The following OCRL variants were observed in gnomAD, a reference collection of about 807,000 sequenced individuals.
OCRL encodes the protein OCRL inositol polyphosphate-5-phosphatase.
OCRL carries 8 observed loss-of-function variants against 78.9 expected under a neutral mutation model. The observed-to-expected ratio is 0.10, with a 90% confidence interval of 0.06 to 0.18. The LOEUF (loss-of-function observed/expected upper bound fraction) is 0.18, where lower values mean the gene tolerates loss of function less well. OCRL is among the 10% of genes least tolerant of loss of function. OCRL has a pLI of 1.00. For synonymous variants in OCRL, 240 were observed against 235.4 expected (o/e 1.02, Z -0.18); for missense variants, 454 against 696.7 (o/e 0.65, Z 3.92).
At chrX:129,557,578 C>T in intron 5 of OCRL, 143 bp downstream of exon 5, 1 of 580,637 alleles carries the variant, frequency 1.7e-6, no homozygotes, top group Admixed American at 2.7e-5. Context: ...CAGGAGTGAA[C>T]ACAGGGATAG....
intron 5 of OCRL, 137 bp from the exon 6 acceptor site, chrX:129,557,724 C>T: frequency 1.7e-6 from 1 of 574,992 alleles, no homozygotes; most frequent in Non-Finnish European, 3.2e-6. Flanking sequence ...CCCTCATTTC[C>T]TTAGTTTCTT....
At chrX:129,557,096 G>A (rs1936064150) in intron 4 of OCRL, among the ~76,000 whole-genome samples, 1 of 110,937 alleles carries the variant, frequency 9.0e-6, no homozygotes, top group Non-Finnish European at 1.9e-5. Flanking sequence ...TCATGGACAC[G>A]GTTCATCAGC....
At position 129,558,684 on chromosome X, in the gene OCRL, T is replaced by C. The variant is rs1339407056; in HGVS notation, c.491T>C (p.Ile164Thr). The change falls in exon 7 of 24, where the codon ATA becomes ACA. Residue 164 changes from isoleucine to threonine, a missense_variant. By Grantham distance (89) the Ile-to-Thr change is moderately conservative (BLOSUM62 -1). Coordinates refer to ENST00000371113, the MANE Select transcript of OCRL (RefSeq NM_000276.4). ...TCTTCTATGAATTTGGACAAGAAAA[T>C]AAATTCACAAAATCAGCCTACTGGG... ...NFSSMNLDKK[I>T]NSQNQPTGIH... 7.4e-6 allele frequency: 9 copies of C among 1,211,232 alleles called. No individual in the cohort carries two copies. Among genetic ancestry groups the C allele is most frequent in the Non-Finnish European group, 1.0e-5 (9 of 894,857 alleles).
intron 6 of OCRL, 42 bp downstream of exon 6, chrX:129,557,992 CAG>C (rs751058163): frequency 3.5e-6 from 3 of 858,146 alleles, no homozygotes; most frequent in Non-Finnish European, 3.5e-6. Flanking sequence ...ATGGTCATTG[CAG>C]AGTCAGTAGA....
chrX:129,572,818 G>A (rs1483766635), intron 15 of OCRL, among the ~76,000 whole-genome samples: 1 of 111,451 alleles, frequency 9.0e-6, no homozygotes, highest in Non-Finnish European at 1.9e-5. Context: ...GTGCTTTTAA[G>A]ACATACTCAA....
At position 129,590,642 on chromosome X, in the gene OCRL, A is replaced by T; in HGVS notation, c.*372A>T. 4.3e-6 allele frequency: 1 copy of T among 231,750 alleles called. No homozygotes were observed. 19.1% of individuals were successfully genotyped at this position (231,750 alleles called of 1,213,427 possible). ...ATCTTCCCATTCTAGGCCTACAAGC[A>T]CTACTTGCTGTAGCTGAGACTTGTC... On this transcript the variant is annotated 3_prime_UTR_variant, in exon 24 of 24. Transcript: ENST00000371113.
At chrX:129,559,337 T>C (rs1012511306) in intron 8 of OCRL, among the ~76,000 whole-genome samples, 1 of 111,726 alleles carries the variant, frequency 9.0e-6, no homozygotes, top group Non-Finnish European at 1.9e-5. Flanking sequence ...TAGGTGGAAC[T>C]ACAGGTGCAC....
intron 21 of OCRL, 40 bp downstream of exon 21, chrX:129,588,303 C>G (rs1936541375): frequency 3.2e-6 from 3 of 925,528 alleles, no homozygotes; most frequent in Non-Finnish European, 4.7e-6. Flanking sequence ...TGGATGAGTA[C>G]TTGATCAAAC....
intron 12 of OCRL, among the ~76,000 whole-genome samples, chrX:129,563,328 G>A (rs983167708): frequency 1.8e-5 from 2 of 111,883 alleles, no homozygotes; most frequent in Non-Finnish European, 3.8e-5. Context: ...GAAGATGTAC[G>A]ATATCTTGAT....
At chrX:129,553,174 T>G (rs2081854765) in intron 4 of OCRL, 2 of 112,539 alleles carry the variant, frequency 1.8e-5, no homozygotes, top group African/African-American at 6.5e-5. Context: ...GAGTATGGTA[T>G]CATAGAAGCT....
At chrX:129,562,981 AAGAT>A (rs1306646982) in intron 12 of OCRL, among the ~76,000 whole-genome samples, 195 bp downstream of exon 12, 1 of 112,097 alleles carries the variant, frequency 8.9e-6, no homozygotes, top group African/African-American at 3.2e-5. Flanking sequence ...ATCAGAGGAA[AAGAT>A]AGTTCTATTA....
chrX:129,577,059 G>A (rs754616908), intron 18 of OCRL, among the ~76,000 whole-genome samples: 1 of 111,252 alleles, frequency 9.0e-6, no homozygotes. Flanking sequence ...TCTAATCAGA[G>A]TAAAACTTTG....
Position 129,576,586 on chromosome X carries a change from C to T in OCRL, c.2115+34C>T, listed in dbSNP as rs185393793. The T allele has an allele frequency of 7.0e-4, 741 of 1,061,987 alleles. 5 individuals carry two copies. The African/African-American group carries it at 0.011, about 16-fold the overall frequency. The allele number at this position is 1,061,987 out of a possible 1,213,427, so 87.5% of individuals were successfully genotyped here. ...TGTCCCAAGACATAAACCTCTTTTA[C>T]ATTTAATTTTCACAATACTTAAGTG... On this transcript the variant is annotated intron_variant, in intron 18 of 23. Coordinates refer to ENST00000371113, the MANE Select transcript of OCRL (RefSeq NM_000276.4).
intron 12 of OCRL, among the ~76,000 whole-genome samples, chrX:129,564,858 A>G (rs990215785): frequency 1.3e-4 from 14 of 111,250 alleles, no homozygotes; most frequent in African/African-American, 3.9e-4. Flanking sequence ...GTACCCTAAA[A>G]CTTATAATAA....
At chrX:129,584,390 A>G in intron 19 of OCRL, 23 bp downstream of exon 19, 2 of 1,192,494 alleles carry the variant, frequency 1.7e-6, no homozygotes, top group Non-Finnish European at 2.3e-6. Context: ...ATTGGTGGTT[A>G]TGAGAGTTTC....
At chrX:129,569,850 T>C (rs111433762) in intron 15 of OCRL, among the ~76,000 whole-genome samples, 4 of 99,342 alleles carry the variant, frequency 4.0e-5, no homozygotes, top group Non-Finnish European at 8.2e-5. Context: ...CTTTTTTTTT[T>C]TTTTTTTTTT....
At chrX:129,559,464 G>A (rs1250528421) in intron 8 of OCRL, among the ~76,000 whole-genome samples, 2 of 111,927 alleles carry the variant, frequency 1.8e-5, no homozygotes, top group African/African-American at 6.5e-5. Flanking sequence ...CTCACAAAGT[G>A]TTAGGATTAC....
intron 22 of OCRL, chrX:129,589,509 C>T (rs188159454): frequency 6.4e-6 from 2 of 311,150 alleles, no homozygotes; most frequent in East Asian, 6.8e-5. Context: ...AACAGAAAAC[C>T]ATTCAGCTTG....
intron 14 of OCRL, among the ~76,000 whole-genome samples, chrX:129,567,572 C>T (rs763397691): frequency 6.2e-5 from 7 of 112,324 alleles, no homozygotes; most frequent in Non-Finnish European, 1.3e-4. Flanking sequence ...GAAGTTATTA[C>T]TTATATGTCA....
Sources: allele counts gnomAD v4.1 joint callset (sites outside exome capture counted in the v4.1 genomes callset), GRCh38; gene constraint gnomAD v4.1.1; transcripts MANE v1.5; gene names NCBI Gene and HGNC (gene_info 2026-07-23, HGNC 2026-07-21).